ADD3: variants seen among roughly 807,000 people sequenced by gnomAD.
The protein encoded by ADD3 is gamma-adducin.
In ADD3, 25 loss-of-function variants were observed where a neutral mutation model predicts 80.2. The ratio of observed to expected loss-of-function variants is 0.31; its 90% CI spans 0.23 to 0.44. The LOEUF (loss-of-function observed/expected upper bound fraction) is 0.44, where lower values mean the gene tolerates loss of function less well. Among genes scored for constraint, ADD3 ranks in the 20% least tolerant of loss-of-function variants. ADD3 has a pLI of 1.00. For missense variants in ADD3, 829 were observed against 847.5 expected (o/e 0.98, Z 0.27); for synonymous variants, 284 against 289.6 (o/e 0.98, Z 0.20).
At chr10:110,031,906 C>CTTTTT (rs11369505) in intron 1 of ADD3, among the ~76,000 whole-genome samples, 9 of 146,228 alleles carry the variant, frequency 6.2e-5, no homozygotes, top group South Asian at 2.2e-4. Flanking sequence ...TACCTCAATA[C>CTTTTT]TTTTTTTTTT....
intron 1 of ADD3, among the ~76,000 whole-genome samples, chr10:110,038,614 C>T (rs889040680): frequency 6.6e-5 from 10 of 152,136 alleles, no homozygotes; most frequent in African/African-American, 2.2e-4. Context: ...TTTAAAAGCA[C>T]GTTGTCTTGA....
At chr10:110,059,871 G>A (rs1858675024) in intron 1 of ADD3, among the ~76,000 whole-genome samples, 2 of 152,212 alleles carry the variant, frequency 1.3e-5, no homozygotes, top group Admixed American at 6.5e-5. Context: ...ATTCTGAAGA[G>A]TACAACCAAA....
intron 1 of ADD3, among the ~76,000 whole-genome samples, chr10:110,027,417 A>G (rs567539077): frequency 2.0e-4 from 31 of 152,354 alleles, no homozygotes; most frequent in Middle Eastern, 3.4e-3. Context: ...GTAATTTAAA[A>G]TGTTGTAGAA....
chr10:110,079,461 AGTGTGTGTGTGT>A (rs1164637976), intron 1 of ADD3, among the ~76,000 whole-genome samples: 1,795 of 97,394 alleles, frequency 0.018, 61 homozygotes, highest in African/African-American at 0.077. Flanking sequence ...AGAGAGAGAG[AGTGTGTGTGTGT>A]GTGTGTGTGT....
chr10:110,130,514 G>A, intron 13 of ADD3, 28 bp downstream of exon 13: 1 of 1,608,770 alleles, frequency 6.2e-7, no homozygotes, highest in Admixed American at 1.7e-5. Flanking sequence ...TTCAACCTAG[G>A]GTAAGCCACA....
At chr10:110,130,885 A>G (rs1852888713) in intron 13 of ADD3, among the ~76,000 whole-genome samples, 1 of 152,050 alleles carries the variant, frequency 6.6e-6, no homozygotes, top group Admixed American at 6.5e-5. Flanking sequence ...AAGAAAAAAA[A>G]CAATCTGAAT....
chr10:110,031,875 C>A (rs937423360), intron 1 of ADD3, among the ~76,000 whole-genome samples: 1 of 151,506 alleles, frequency 6.6e-6, no homozygotes, highest in African/African-American at 2.4e-5. Flanking sequence ...ATGCATAAAT[C>A]AGTCTAATTG....
chr10:110,042,316 G>A (rs1564881752), intron 1 of ADD3, among the ~76,000 whole-genome samples: 1 of 152,092 alleles, frequency 6.6e-6, no homozygotes, highest in Non-Finnish European at 1.5e-5. Context: ...TTGGGTGAGG[G>A]GAGGGTGTCA....
At chr10:110,011,701 A>G (rs143439754) in intron 1 of ADD3, among the ~76,000 whole-genome samples, 1 of 152,322 alleles carries the variant, frequency 6.6e-6, no homozygotes, top group Non-Finnish European at 1.5e-5. Context: ...ACCTATTTGA[A>G]GTTATTTAAA....
At chr10:110,034,527 CTG>C (rs1339819958) in intron 1 of ADD3, among the ~76,000 whole-genome samples, 2 of 151,798 alleles carry the variant, frequency 1.3e-5, no homozygotes, top group Admixed American at 1.3e-4. Context: ...TTAAACTAGT[CTG>C]TAATTCTCAT....
chr10:110,077,495 G>A (rs1228439059), intron 1 of ADD3, among the ~76,000 whole-genome samples: 2 of 152,066 alleles, frequency 1.3e-5, no homozygotes, highest in South Asian at 2.1e-4. Context: ...ACTGTATTTC[G>A]AGACATCGTG....
chr10:110,098,811 A>G (rs1194694289), intron 1 of ADD3, among the ~76,000 whole-genome samples: 3 of 151,940 alleles, frequency 2.0e-5, no homozygotes, highest in Non-Finnish European at 4.4e-5. Flanking sequence ...TTGTATTTTC[A>G]GTAAAGGCGG....
chr10:110,034,020 T>C (rs1331335377), intron 1 of ADD3, among the ~76,000 whole-genome samples: 1 of 152,224 alleles, frequency 6.6e-6, no homozygotes, highest in Non-Finnish European at 1.5e-5. Flanking sequence ...CAGGGTTTGC[T>C]TTGTTTTGTT....
intron 1 of ADD3, among the ~76,000 whole-genome samples, chr10:110,022,765 T>C (rs1564850546): frequency 2.0e-5 from 3 of 152,202 alleles, no homozygotes; most frequent in South Asian, 4.1e-4. Flanking sequence ...AAGGGAAATA[T>C]CTCATTGGGG....
chr10:110,070,175 ATATATCTGTAG>A (rs1488419390), intron 1 of ADD3, among the ~76,000 whole-genome samples: 26 of 152,228 alleles, frequency 1.7e-4, no homozygotes, highest in East Asian at 9.6e-4. Context: ...CTTTCTCTGA[ATATATCTGTAG>A]TATATCTGTA....
intron 1 of ADD3, among the ~76,000 whole-genome samples, chr10:110,053,750 C>T (rs1857798103): frequency 6.6e-6 from 1 of 152,132 alleles, no homozygotes; most frequent in African/African-American, 2.4e-5. Context: ...TCCCCTAGAA[C>T]AGAAAACTCC....
In ADD3 at chr10:110,128,926, C is replaced by T. The variant is rs148544701; in HGVS notation, c.1609-1437C>T. 6.4e-4 allele frequency among the ~76,000 whole-genome samples: 98 copies of T among 152,244 alleles called. 1 individual carries two copies. The highest frequency in any genetic ancestry group is 2.2e-3 in the African/African-American group (91 of 41,538). ...AAGCATATCAGAAGCTCTGGGTATA[C>T]ACAGAGCTCGGGGATTGGTGGGCTT... On this transcript the variant is annotated intron_variant, in intron 12 of 14. Coordinates refer to ENST00000356080, the MANE Select transcript of ADD3 (RefSeq NM_016824.5).
intron 2 of ADD3, among the ~76,000 whole-genome samples, chr10:110,103,853 AC>A (rs1849117232): frequency 6.6e-6 from 1 of 152,156 alleles, no homozygotes; most frequent in Non-Finnish European, 1.5e-5. Context: ...GGTATGTGCC[AC>A]CATGCCTGGC....
chr10:110,024,855 C>T (rs976565146), intron 1 of ADD3, among the ~76,000 whole-genome samples: 1 of 151,162 alleles, frequency 6.6e-6, no homozygotes, highest in Admixed American at 6.6e-5. Flanking sequence ...GGACATGGAA[C>T]AAAATAAGGC....
Sources: allele counts gnomAD v4.1 joint callset (sites outside exome capture counted in the v4.1 genomes callset), GRCh38; gene constraint gnomAD v4.1.1; transcripts MANE v1.5; gene names NCBI Gene and HGNC (gene_info 2026-07-23, HGNC 2026-07-21).